The following NIPA1 variants were observed in gnomAD, a reference collection of about 807,000 sequenced individuals.
NIPA1 encodes the protein magnesium transporter NIPA1.
In NIPA1, 13 loss-of-function variants were observed where a neutral mutation model predicts 23.9. The ratio of observed to expected loss-of-function variants is 0.54; its 90% CI spans 0.35 to 0.87. The LOEUF (loss-of-function observed/expected upper bound fraction) is 0.87. Among genes scored for constraint, NIPA1 ranks in the 40% least tolerant of loss-of-function variants. The pLI is 0.01. For synonymous variants in NIPA1, 234 were observed against 202.9 expected (o/e 1.15, Z -1.30); for missense variants, 362 against 429.7 (o/e 0.84, Z 1.39).
chr15:22,786,864 G>A, intron 1 of NIPA1, 30 bp downstream of exon 1: 1 of 992,876 alleles, frequency 1.0e-6, no homozygotes, highest in Non-Finnish European at 1.3e-6. Context: ...GCAGGCGGCG[G>A]GCGGGTGGGG....
rs544085409 is a variant in NIPA1 at position 22,797,201 on chromosome 15, G to A, written c.178+10367G>A. On this transcript the variant is annotated intron_variant, in intron 1 of 4. Coordinates refer to ENST00000337435, the MANE Select transcript of NIPA1 (RefSeq NM_144599.5). Reference sequence around the variant, plus strand: ...ATTACATGTGAACACCACCATGCCCGGCTAATATATTTGGGTTTTTTTTTT... The same window carrying A: ...ATTACATGTGAACACCACCATGCCCAGCTAATATATTTGGGTTTTTTTTTT... Among the ~76,000 whole-genome samples the A allele has an allele frequency of 2.1e-4, 28 of 133,492 alleles. No homozygotes were observed. In the East Asian group the frequency reaches 4.4e-3, roughly 21 times the overall value. 87.6% of individuals were successfully genotyped at this position (133,492 alleles called of 152,430 possible).
intron 3 of NIPA1, among the ~76,000 whole-genome samples, chr15:22,816,334 G>A (rs1158268906): frequency 2.0e-5 from 3 of 150,274 alleles, no homozygotes; most frequent in South Asian, 2.1e-4. Flanking sequence ...GACTACAGGC[G>A]CGTACCACCA....
chr15:22,819,930 A>C (rs1282741252), intron 3 of NIPA1, among the ~76,000 whole-genome samples: 1 of 152,206 alleles, frequency 6.6e-6, no homozygotes, highest in Non-Finnish European at 1.5e-5. Context: ...ATGGTGGCTC[A>C]CACCTATAAT....
At chr15:22,786,549 C>T (rs1479054016), upstream of NIPA1, 1 of 230,050 alleles carries the variant, frequency 4.3e-6, no homozygotes, top group Admixed American at 6.4e-5. Flanking sequence ...CCTGCTCCTC[C>T]CCCACCCGTC....
At chr15:22,821,523 C>T (rs1323403097) in intron 4 of NIPA1, among the ~76,000 whole-genome samples, 2 of 150,746 alleles carry the variant, frequency 1.3e-5, no homozygotes, top group African/African-American at 4.9e-5. Context: ...CGTCCACACT[C>T]ACTGGTTTTG....
At chr15:22,790,838 A>G (rs28546806) in intron 1 of NIPA1, among the ~76,000 whole-genome samples, 2 of 152,152 alleles carry the variant, frequency 1.3e-5, no homozygotes, top group South Asian at 2.1e-4. Flanking sequence ...CCAGTATGAA[A>G]TGACAGAAAT....
intron 1 of NIPA1, among the ~76,000 whole-genome samples, chr15:22,787,334 G>A (rs11635335): frequency 6.6e-6 from 1 of 152,092 alleles, no homozygotes; most frequent in African/African-American, 2.4e-5. Context: ...CAAGACCTGG[G>A]ATTTCCAGTC....
intron 1 of NIPA1, among the ~76,000 whole-genome samples, chr15:22,810,476 T>C (rs1895296357): frequency 6.6e-6 from 1 of 152,078 alleles, no homozygotes; most frequent in Non-Finnish European, 1.5e-5. Context: ...TGGTAGCTTG[T>C]TGGGTGAAAG....
At chr15:22,807,782 T>TGTGTGTGTGTGTGTGTGTGTGTGTG (rs1555372971) in intron 1 of NIPA1, among the ~76,000 whole-genome samples, 1 of 145,824 alleles carries the variant, frequency 6.9e-6, no homozygotes, top group African/African-American at 2.6e-5. Context: ...TTAAATTCAC[T>TGTGTGTGTGTGTGTGTGTGTGTGTG]TGTGTGTGTG....
chr15:22,823,243 C>G (rs1275897997), intron 4 of NIPA1, among the ~76,000 whole-genome samples: 8 of 142,452 alleles, frequency 5.6e-5, no homozygotes, highest in Non-Finnish European at 1.2e-4. Flanking sequence ...GAGATGGAGT[C>G]TTGCTCTGTC....
rs562805873 is a variant in NIPA1 at position 22,826,829 on chromosome 15, A to C, written c.*2590A>C. The C allele has an allele frequency of 8.5e-5, 13 of 152,304 alleles. No homozygotes were observed. Among genetic ancestry groups the C allele is most frequent in the Admixed American group, 3.3e-4 (5 of 15,300 alleles). 9.4% of individuals were successfully genotyped at this position (152,304 alleles called of 1,614,324 possible). A position where few individuals can be genotyped will look rare whatever the true frequency, so the allele number is the denominator to read the frequency against. On this transcript the variant is annotated 3_prime_UTR_variant, in exon 5 of 5. Coordinates refer to ENST00000337435, the MANE Select transcript of NIPA1 (RefSeq NM_144599.5). ...CATAGCTTTTCTTCCAGTGAAACAA[A>C]GTTCATATCATCCATTGTTTTTCAA...
chr15:22,821,342 AGTAGACCACCCT>A, intron 4 of NIPA1, among the ~76,000 whole-genome samples: 1 of 152,348 alleles, frequency 6.6e-6, no homozygotes, highest in East Asian at 1.9e-4. Context: ...TTTCACTTTA[AGTAGACCACCCT>A]GTGTTGCTTA....
At chr15:22,819,950 T>G (rs945545984) in intron 3 of NIPA1, among the ~76,000 whole-genome samples, 1 of 152,192 alleles carries the variant, frequency 6.6e-6, no homozygotes, top group South Asian at 2.1e-4. Flanking sequence ...TTCCAGCACT[T>G]TGGGAGTCCA....
At chr15:22,823,444 C>A (rs1274729622) in intron 4 of NIPA1, among the ~76,000 whole-genome samples, 1 of 152,178 alleles carries the variant, frequency 6.6e-6, no homozygotes, top group Non-Finnish European at 1.5e-5. Flanking sequence ...TCATGATCCA[C>A]CTGCCTTGGC....
Position 22,829,721 on chromosome 15 carries a change from ATT to A in NIPA1, c.*5483_*5484del, listed in dbSNP as rs1895716799. ...ATTGCCTCATGTAAATAAAAAGGCTATTAAGTTTTCCAGTAATATTTATTAAT... is the reference window on the plus strand; with the variant it reads ...ATTGCCTCATGTAAATAAAAAGGCTAAAGTTTTCCAGTAATATTTATTAAT... On this transcript the variant is annotated 3_prime_UTR_variant, in exon 5 of 5. Transcript: ENST00000337435. 6.6e-6 allele frequency: 1 copy of A among 152,206 alleles called. No homozygotes were observed. The highest frequency in any genetic ancestry group is 2.4e-5 in the African/African-American group (1 of 41,448). The allele number at this position is 152,206 out of a possible 1,614,324, so 9.4% of individuals were successfully genotyped here.
At chr15:22,822,266 G>A (rs1458935460) in intron 4 of NIPA1, among the ~76,000 whole-genome samples, 1 of 152,072 alleles carries the variant, frequency 6.6e-6, no homozygotes, top group African/African-American at 2.4e-5. Flanking sequence ...TAGTTTCTAG[G>A]CTCTGATTAT....
At position 22,829,189 on chromosome 15, in the gene NIPA1, C is replaced by T. The variant is rs1895706897; in HGVS notation, c.*4950C>T. Reference sequence around the variant, plus strand: ...TCACCTTCCGATGGTGTGATGTGCTCCTGACATTCGGCCGAGGTCTGTATT... The same window carrying T: ...TCACCTTCCGATGGTGTGATGTGCTTCTGACATTCGGCCGAGGTCTGTATT... On this transcript the variant is annotated 3_prime_UTR_variant, in exon 5 of 5. Coordinates refer to ENST00000337435, the MANE Select transcript of NIPA1 (RefSeq NM_144599.5). 1 of 152,136 alleles carries T rather than the reference C, an allele frequency of 6.6e-6. No homozygotes were observed. The allele number at this position is 152,136 out of a possible 1,614,324, so 9.4% of individuals were successfully genotyped here.
At chr15:22,790,039 C>G (rs1047901274) in intron 1 of NIPA1, among the ~76,000 whole-genome samples, 1 of 152,078 alleles carries the variant, frequency 6.6e-6, no homozygotes, top group Admixed American at 6.5e-5. Flanking sequence ...GATGATCTGC[C>G]CACCTTGGCC....
Position 22,824,646 on chromosome 15 carries a change from A to C in NIPA1, c.*407A>C. The C allele has an allele frequency of 3.8e-6, 1 of 259,888 alleles. No individual in the cohort carries two copies. Among genetic ancestry groups the C allele is most frequent in the Non-Finnish European group, 7.5e-6 (1 of 133,630 alleles). 16.1% of individuals were successfully genotyped at this position (259,888 alleles called of 1,614,324 possible). On this transcript the variant is annotated 3_prime_UTR_variant, in exon 5 of 5. Coordinates refer to ENST00000337435, the MANE Select transcript of NIPA1 (RefSeq NM_144599.5). This position sits in a 1 kb window ranked among gnomAD's most constrained non-coding sequence, Gnocchi z 4.1. ...TGGGAATGAGAGATTGTTGTCTTGA[A>C]CTCTGGCACTGTACAGTGAATGTGT...
Sources: gnomAD v4.1 joint callset for allele counts (sites outside exome capture counted in the v4.1 genomes callset) on GRCh38, gnomAD v4.1.1 for gene constraint, Gnocchi (gnomAD v3.1) non-coding constraint, MANE v1.5 for transcripts, NCBI Gene and HGNC (gene_info 2026-07-23, HGNC 2026-07-21) for gene names.